DHX35: variants seen among roughly 807,000 people sequenced by gnomAD.
DHX35 encodes the protein probable ATP-dependent RNA helicase DHX35.
In DHX35, 84 loss-of-function variants were observed where a neutral mutation model predicts 99.6. The ratio of observed to expected loss-of-function variants is 0.84; its 90% CI spans 0.71 to 1.01. DHX35 has a LOEUF of 1.01. Ranked by LOEUF, DHX35 falls within the 50% of genes least tolerant of loss-of-function variation. The probability of loss-of-function intolerance (pLI) is 0.00; values close to 1 mark genes in which losing one functional copy is unlikely to be tolerated. For missense variants in DHX35, 852 were observed against 888.5 expected (o/e 0.96, Z 0.52); for synonymous variants, 331 against 316.2 (o/e 1.05, Z -0.50).
chr20:39,018,869 C>G lies in DHX35; in HGVS notation c.1468C>G (p.Pro490Ala). Residue 490 changes from proline (P) to alanine (A), a missense_variant, in exon 15 of 22, where the codon CCC (proline) becomes GCC (alanine). By Grantham distance (27) the Pro-to-Ala change is conservative (BLOSUM62 -1). Coordinates refer to ENST00000252011, the MANE Select transcript of DHX35 (RefSeq NM_021931.4). ...GMRIAEFPLN[P>A]MFAKMLLESG... is the part of the protein sequence containing the mutation. ...GAGAATTGCAGAGTTTCCTTTGAATCCCATGTTTGCCAAAATGCTGCTTGA... is the reference window on the plus strand; with the variant it reads ...GAGAATTGCAGAGTTTCCTTTGAATGCCATGTTTGCCAAAATGCTGCTTGA... The G allele has an allele frequency of 1.2e-6, 2 of 1,614,002 alleles. No individual in the cohort carries two copies. The highest frequency in any genetic ancestry group is 1.7e-6 in the Non-Finnish European group (2 of 1,179,990).
At chr20:39,008,420 T>C (rs1241278316) in intron 12 of DHX35, among the ~76,000 whole-genome samples, 1 of 152,242 alleles carries the variant, frequency 6.6e-6, no homozygotes, top group Non-Finnish European at 1.5e-5. Flanking sequence ...TGTTTAACTT[T>C]TAAGGAGCTC....
At chr20:39,019,379 G>A (rs1337976194) in intron 15 of DHX35, among the ~76,000 whole-genome samples, 1 of 152,082 alleles carries the variant, frequency 6.6e-6, no homozygotes, top group Admixed American at 6.6e-5. Context: ...GTATTTTATT[G>A]TATATCTATA....
chr20:38,991,563 A>G (rs2086338222), intron 6 of DHX35, 48 bp downstream of exon 6: 1 of 1,548,306 alleles, frequency 6.5e-7, no homozygotes. Flanking sequence ...CAAAGTCCCC[A>G]GGTAGACGGA....
intron 19 of DHX35, chr20:39,030,472 G>A (rs945218551): frequency 3.8e-6 from 2 of 531,414 alleles, no homozygotes. Context: ...TTTTCTAAGT[G>A]TCCGCGTGTT....
At chr20:39,035,058 A>G (rs1380083714) in intron 21 of DHX35, among the ~76,000 whole-genome samples, 2 of 144,420 alleles carry the variant, frequency 1.4e-5, no homozygotes, top group African/African-American at 5.2e-5. Context: ...CCATGCCACC[A>G]GTTCGTTTTT....
intron 3 of DHX35, chr20:38,978,348 G>T: frequency 1.4e-6 from 1 of 739,744 alleles, no homozygotes; most frequent in Non-Finnish European, 2.5e-6. Context: ...CATCTTTGAT[G>T]GCCTTTAGTT....
rs1480396153 is a variant in DHX35 at position 39,002,826 on chromosome 20, G to T, written c.810G>T (p.Gln270His). 6.2e-7 allele frequency: 1 copy of T among 1,614,188 alleles called. No individual in the cohort carries two copies. The highest frequency in any genetic ancestry group is 1.1e-5 in the South Asian group (1 of 91,078). ...STVETVVKIH[Q>H]TEGDGDVLAF... ...TCGAAACTGTGGTGAAAATTCACCA[G>T]ACAGAGGGAGACGGAGACGTTTTAG... The change falls in exon 10 of 22, where the codon CAG (glutamine) becomes CAT (histidine). Residue 270 changes from glutamine to histidine, a missense_variant. Coordinates refer to ENST00000252011, the MANE Select transcript of DHX35 (RefSeq NM_021931.4).
chr20:38,974,506 A>G (rs1239646622), intron 3 of DHX35, among the ~76,000 whole-genome samples: 3 of 152,238 alleles, frequency 2.0e-5, no homozygotes, highest in Non-Finnish European at 4.4e-5. Flanking sequence ...GTGATAGAAA[A>G]GTAAAGATTG....
chr20:38,987,485 T>A (rs1336867060), intron 4 of DHX35, among the ~76,000 whole-genome samples: 1 of 152,108 alleles, frequency 6.6e-6, no homozygotes, highest in Non-Finnish European at 1.5e-5. Context: ...CTCAGGTGAT[T>A]TGCCTCCCAA....
At chr20:39,010,452 CAG>C (rs1600418145) in intron 13 of DHX35, 48 bp downstream of exon 13, 9 of 1,606,722 alleles carry the variant, frequency 5.6e-6, no homozygotes, top group East Asian at 4.5e-5. Flanking sequence ...AGGGAGCTCA[CAG>C]GGGGATGTCA....
At chr20:38,997,008 G>T (rs769363421) in intron 8 of DHX35, among the ~76,000 whole-genome samples, 9 of 151,622 alleles carry the variant, frequency 5.9e-5, no homozygotes, top group Non-Finnish European at 1.3e-4. Flanking sequence ...TTTTTATTAT[G>T]TTGAAAACTA....
intron 21 of DHX35, 76 bp downstream of exon 21, chr20:39,034,393 C>A: frequency 8.2e-7 from 1 of 1,219,820 alleles, no homozygotes; most frequent in Non-Finnish European, 1.2e-6. Flanking sequence ...TTTTTTTCTC[C>A]AATTTAATGC....
chr20:39,021,744 A>T lies in DHX35; in HGVS notation c.1499-97A>T, dbSNP rs112670224. The T allele has an allele frequency of 5.2e-4, 607 of 1,173,738 alleles. 3 individuals carry two copies. The African/African-American group carries it at 8.3e-3, about 16-fold the overall frequency. The allele number at this position is 1,173,738 out of a possible 1,614,324, so 72.7% of individuals were successfully genotyped here. A position where few individuals can be genotyped will look rare whatever the true frequency, so the allele number is the denominator to read the frequency against. On this transcript the variant is annotated intron_variant, in intron 15 of 21. Coordinates refer to ENST00000252011, the MANE Select transcript of DHX35 (RefSeq NM_021931.4). ...TAAGCTCTAGAAAAAATATGATCTT[A>T]GTCTTCAGTGTGGTGCAAGGAAAGT... is the stretch of plus-strand genomic sequence containing the variant.
intron 4 of DHX35, among the ~76,000 whole-genome samples, chr20:38,984,674 T>C (rs1222178402): frequency 6.6e-6 from 1 of 152,192 alleles, no homozygotes; most frequent in Admixed American, 6.5e-5. Context: ...GTATTCTTCT[T>C]TCCACCTTCC....
rs62202583 is a variant in DHX35, at chr20:38,997,474, G to A, written c.642+2594G>A. 6.2e-3 allele frequency among the ~76,000 whole-genome samples: 947 copies of A among 152,300 alleles called. 10 individuals carry two copies. Among genetic ancestry groups the A allele is most frequent in the African/African-American group, 0.022 (894 of 41,556 alleles). On this transcript the variant is annotated intron_variant, in intron 8 of 21. Transcript: ENST00000252011. ...ATAGCTTCTTTCAGTTCTGTCTATG[G>A]TAGTTGATATAGATGACTTTCTGGA...
At chr20:38,965,618 CA>C (rs1389800210) in intron 1 of DHX35, among the ~76,000 whole-genome samples, 2 of 151,986 alleles carry the variant, frequency 1.3e-5, no homozygotes, top group Admixed American at 6.6e-5. Flanking sequence ...CAGAGTTGCC[CA>C]ATTTTTTTTT....
intron 3 of DHX35, among the ~76,000 whole-genome samples, chr20:38,976,808 G>C (rs1311728856): frequency 6.6e-6 from 1 of 152,006 alleles, no homozygotes; most frequent in Non-Finnish European, 1.5e-5. Context: ...CTCTACTTTT[G>C]TAAGATCAAC....
At chr20:38,963,920 A>G (rs1405003894) in intron 1 of DHX35, among the ~76,000 whole-genome samples, 2 of 152,096 alleles carry the variant, frequency 1.3e-5, no homozygotes, top group Non-Finnish European at 2.9e-5. Flanking sequence ...AGTGCCCATC[A>G]TGTCTACCAC....
intron 3 of DHX35, among the ~76,000 whole-genome samples, chr20:38,982,913 A>G (rs1460824497): frequency 3.3e-5 from 5 of 151,944 alleles, no homozygotes; most frequent in Non-Finnish European, 7.4e-5. Flanking sequence ...TCAGATAAAT[A>G]CACTTAATCA....
Sources: gnomAD v4.1 joint callset for allele counts (sites outside exome capture counted in the v4.1 genomes callset) on GRCh38, gnomAD v4.1.1 for gene constraint, MANE v1.5 for transcripts, NCBI Gene and HGNC (gene_info 2026-07-23, HGNC 2026-07-21) for gene names.